The following TMEM38B variants were observed in gnomAD, a reference collection of about 807,000 sequenced individuals.
The protein encoded by TMEM38B is trimeric intracellular cation channel type B.
TMEM38B carries 24 observed loss-of-function variants against 28.7 expected under a neutral mutation model. That is an observed-to-expected ratio of 0.84 (90% confidence interval 0.61 to 1.18). The LOEUF (loss-of-function observed/expected upper bound fraction) is 1.18, where lower values mean the gene tolerates loss of function less well. Ranked by LOEUF, TMEM38B falls within the 50% of genes most tolerant of loss-of-function variation. The probability of loss-of-function intolerance (pLI) is 0.00; values close to 1 mark genes in which losing one functional copy is unlikely to be tolerated. For synonymous variants in TMEM38B, 131 were observed against 127.7 expected, an observed-to-expected ratio of 1.03 and a Z score of -0.17; for missense variants, 380 against 350.9, an observed-to-expected ratio of 1.08 and a Z score of -0.66.
chr9:105,754,373 C>T (rs926390286), intron 5 of TMEM38B, among the ~76,000 whole-genome samples: 1 of 152,130 alleles, frequency 6.6e-6, no homozygotes, highest in East Asian at 1.9e-4. Context: ...TAAAACTGAC[C>T]ACATAATTGG....
intron 2 of TMEM38B, among the ~76,000 whole-genome samples, chr9:105,712,808 C>G (rs1348751663): frequency 6.6e-6 from 1 of 152,240 alleles, no homozygotes; most frequent in Non-Finnish European, 1.5e-5. Context: ...CGGACAGCCC[C>G]ACACCCCCCA....
At chr9:105,705,555 A>G in intron 1 of TMEM38B, 42 bp from the exon 2 acceptor site, 5 of 1,555,602 alleles carry the variant, frequency 3.2e-6, no homozygotes, top group Non-Finnish European at 4.4e-6. Context: ...TGTTTAATAA[A>G]TGTATAATGA....
At chr9:105,727,205 A>G (rs971311157) in intron 4 of TMEM38B, among the ~76,000 whole-genome samples, 1 of 152,078 alleles carries the variant, frequency 6.6e-6, no homozygotes, top group African/African-American at 2.4e-5. Flanking sequence ...CCACTGACCT[A>G]TATTTCACAT....
intron 4 of TMEM38B, among the ~76,000 whole-genome samples, chr9:105,734,731 C>G (rs896350661): frequency 1.3e-5 from 2 of 152,034 alleles, no homozygotes; most frequent in African/African-American, 4.8e-5. Flanking sequence ...TCTGTTTTAT[C>G]TGATATACGT....
At chr9:105,725,113 T>C (rs1219640600) in intron 4 of TMEM38B, among the ~76,000 whole-genome samples, 1 of 152,130 alleles carries the variant, frequency 6.6e-6, no homozygotes. Flanking sequence ...GCTAACTCCC[T>C]TATTTACTTT....
chr9:105,768,113 G>A lies in TMEM38B; in HGVS notation c.661-5752G>A, dbSNP rs1378388599. Among the ~76,000 whole-genome samples, 3 of 151,954 alleles carry A rather than the reference G, an allele frequency of 2.0e-5. 1 individual carries two copies. Among genetic ancestry groups the A allele is most frequent in the Non-Finnish European group, 4.4e-5 (3 of 67,940 alleles). On this transcript the variant is annotated intron_variant, in intron 5 of 5. Coordinates refer to ENST00000374692, the MANE Select transcript of TMEM38B (RefSeq NM_018112.3). ...TTAAGGAAGTTCTCTTTTATTTCTA[G>A]TTTGCTGAAAGTGTTTATCATGAAT...
chr9:105,699,745 C>G (rs1835403308), intron 1 of TMEM38B, among the ~76,000 whole-genome samples: 1 of 152,136 alleles, frequency 6.6e-6, no homozygotes, highest in Admixed American at 6.5e-5. Flanking sequence ...CTTTGTTTAC[C>G]TCCATTTGTC....
At chr9:105,743,520 A>G (rs1344358474) in intron 4 of TMEM38B, among the ~76,000 whole-genome samples, 2 of 152,202 alleles carry the variant, frequency 1.3e-5, no homozygotes, top group East Asian at 1.9e-4. Context: ...TATACTTTAA[A>G]TATGTGGCAA....
chr9:105,722,701 G>T, intron 4 of TMEM38B, 80 bp downstream of exon 4: 1 of 1,104,424 alleles, frequency 9.1e-7, no homozygotes, highest in Non-Finnish European at 1.3e-6. Flanking sequence ...ACATTTTAGG[G>T]ACTTTAAATG....
At position 105,764,650 on chromosome 9, in the gene TMEM38B, A is replaced by G. The variant is rs867509776; in HGVS notation, c.661-9215A>G. On this transcript the variant is annotated intron_variant, in intron 5 of 5. Transcript: ENST00000374692. ...AAGAATCAATATCGTGAAAATGGCCATACTGCCCAAGGTAATTTACAGATT... is the reference window on the plus strand; with the variant it reads ...AAGAATCAATATCGTGAAAATGGCCGTACTGCCCAAGGTAATTTACAGATT... Among the ~76,000 whole-genome samples the G allele has an allele frequency of 5.0e-3, 761 of 151,816 alleles. 2 individuals are homozygous for G. The highest frequency in any genetic ancestry group is 0.017 in the African/African-American group (722 of 41,350).
intron 2 of TMEM38B, among the ~76,000 whole-genome samples, chr9:105,708,052 A>G (rs992548518): frequency 6.6e-6 from 1 of 152,120 alleles, no homozygotes; most frequent in Non-Finnish European, 1.5e-5. Flanking sequence ...AACCTCCTGG[A>G]TGATTGCAGG....
chr9:105,748,190 G>A lies in TMEM38B; in HGVS notation c.660G>A (p.Lys220=). Residue 220 remains lysine (K), a splice_region_variant and synonymous_variant, in exon 5 of 6, where the codon AAG becomes AAA. Coordinates refer to ENST00000374692, the MANE Select transcript of TMEM38B (RefSeq NM_018112.3). ...ATACCATCTTTATTGTGGCCACAAAGGTAAGAATTCAAAGTACCTATAATT... is the reference window on the plus strand; with the variant it reads ...ATACCATCTTTATTGTGGCCACAAAAGTAAGAATTCAAAGTACCTATAATT... The part of the protein sequence containing the change: ...FLYTIFIVAT[K]ITMMTTQTST... 2 of 1,598,684 alleles carry A rather than the reference G, an allele frequency of 1.3e-6. No homozygotes were observed. The highest frequency in any genetic ancestry group is 2.2e-5 in the South Asian group (2 of 90,132).
chr9:105,737,839 C>T (rs1837044120), intron 4 of TMEM38B, among the ~76,000 whole-genome samples: 1 of 152,080 alleles, frequency 6.6e-6, no homozygotes, highest in Admixed American at 6.5e-5. Context: ...GGCCAAAGTC[C>T]TTATTTCTCA....
chr9:105,713,221 C>T (rs796879403), intron 2 of TMEM38B, among the ~76,000 whole-genome samples: 24 of 152,306 alleles, frequency 1.6e-4, no homozygotes, highest in African/African-American at 4.6e-4. Context: ...GCTGCAATCC[C>T]TGACCTGCCG....
chr9:105,735,544 T>A (rs1337072449), intron 4 of TMEM38B, among the ~76,000 whole-genome samples: 1 of 152,228 alleles, frequency 6.6e-6, no homozygotes, highest in Non-Finnish European at 1.5e-5. Context: ...TTCTGAAGAA[T>A]AGCTTTGCTG....
chr9:105,753,820 A>G (rs1001668163), intron 5 of TMEM38B, among the ~76,000 whole-genome samples: 3 of 152,208 alleles, frequency 2.0e-5, no homozygotes, highest in African/African-American at 4.8e-5. Context: ...CAACAATACT[A>G]ACCTTAAATA....
At chr9:105,711,248 C>T (rs1293887056) in intron 2 of TMEM38B, among the ~76,000 whole-genome samples, 1 of 151,834 alleles carries the variant, frequency 6.6e-6, no homozygotes, top group East Asian at 1.9e-4. Context: ...CGAAACCAGC[C>T]TGGCCAACAT....
chr9:105,760,508 A>G (rs1838002214), intron 5 of TMEM38B: 1 of 742,968 alleles, frequency 1.3e-6, no homozygotes, highest in Non-Finnish European at 2.4e-6. Flanking sequence ...CAGGACTTTG[A>G]AAAGCAAAAA....
rs1836065368 is a variant in TMEM38B, at chr9:105,715,527, TA to T, written c.270-6009del. On this transcript the variant is annotated intron_variant, in intron 2 of 5. Coordinates refer to ENST00000374692, the MANE Select transcript of TMEM38B (RefSeq NM_018112.3). ...TGGTTAAGAACTCTTATTATTGGTATATTGGCTCTTCTTTGCCTTTCTTCAA... is the reference window on the plus strand; with the variant it reads ...TGGTTAAGAACTCTTATTATTGGTATTTGGCTCTTCTTTGCCTTTCTTCAA... 3.3e-5 allele frequency among the ~76,000 whole-genome samples: 5 copies of T among 152,228 alleles called. No homozygotes were observed. The East Asian group carries it at 7.7e-4, about 23-fold the overall frequency.
Sources: allele counts gnomAD v4.1 joint callset (sites outside exome capture counted in the v4.1 genomes callset), GRCh38; gene constraint gnomAD v4.1.1; transcripts MANE v1.5; gene names NCBI Gene and HGNC (gene_info 2026-07-23, HGNC 2026-07-21).